SPAG16: variants seen among roughly 807,000 people sequenced by gnomAD.
SPAG16 encodes sperm associated antigen 16.
Under a neutral mutation model 80.4 loss-of-function variants are expected in SPAG16, and 86 were observed. The ratio of observed to expected loss-of-function variants is 1.07; its 90% CI spans 0.90 to 1.28. The LOEUF (loss-of-function observed/expected upper bound fraction) is 1.28, where lower values mean the gene tolerates loss of function less well. Ranked by LOEUF, SPAG16 falls within the 50% of genes most tolerant of loss-of-function variation. The probability of loss-of-function intolerance (pLI) is 0.00; values close to 1 mark genes in which losing one functional copy is unlikely to be tolerated. For synonymous variants in SPAG16, 294 were observed against 265.9 expected (o/e 1.11, Z -1.03); for missense variants, 870 against 765.3 (o/e 1.14, Z -1.61).
At chr2:213,781,859 A>G (rs924455711) in intron 10 of SPAG16, among the ~76,000 whole-genome samples, 1 of 152,324 alleles carries the variant, frequency 6.6e-6, no homozygotes, top group Non-Finnish European at 1.5e-5. Context: ...ATAAAACTTA[A>G]TCAAAATTTA....
At chr2:213,303,794 G>A (rs1231848072) in intron 3 of SPAG16, among the ~76,000 whole-genome samples, 2 of 152,056 alleles carry the variant, frequency 1.3e-5, no homozygotes, top group Admixed American at 6.6e-5. Context: ...TGGATACTTA[G>A]GTTGCCTCCA....
At chr2:213,685,913 C>T (rs886498697) in intron 10 of SPAG16, among the ~76,000 whole-genome samples, 2 of 152,100 alleles carry the variant, frequency 1.3e-5, no homozygotes, top group Non-Finnish European at 2.9e-5. Context: ...TTTTCAATCT[C>T]TATTAAAAAC....
At chr2:213,961,863 C>T (rs1411804510) in intron 12 of SPAG16, among the ~76,000 whole-genome samples, 1 of 151,738 alleles carries the variant, frequency 6.6e-6, no homozygotes, top group Non-Finnish European at 1.5e-5. Context: ...ATGTATTTGT[C>T]TGGTTTTGAT....
At chr2:213,768,914 C>T (rs991379666) in intron 10 of SPAG16, among the ~76,000 whole-genome samples, 1 of 152,034 alleles carries the variant, frequency 6.6e-6, no homozygotes, top group Non-Finnish European at 1.5e-5. Flanking sequence ...CAGGAGAAGG[C>T]TATAACATAG....
At chr2:213,330,659 A>G (rs1278785222) in intron 5 of SPAG16, among the ~76,000 whole-genome samples, 1 of 152,148 alleles carries the variant, frequency 6.6e-6, no homozygotes, top group African/African-American at 2.4e-5. Flanking sequence ...TGCTGAAAAG[A>G]GTTAAGATTT....
intron 8 of SPAG16, among the ~76,000 whole-genome samples, chr2:213,368,593 G>C (rs1364199790): frequency 1.3e-5 from 2 of 152,080 alleles, no homozygotes; most frequent in Non-Finnish European, 2.9e-5. Flanking sequence ...AGAAATAAAG[G>C]GTATTCAGTT....
intron 15 of SPAG16, among the ~76,000 whole-genome samples, chr2:214,319,298 A>AT (rs1174578889): frequency 6.6e-6 from 1 of 151,770 alleles, no homozygotes; most frequent in Non-Finnish European, 1.5e-5. Context: ...AGGCCAAATT[A>AT]TTTGTAGTCT....
chr2:213,561,855 TA>T (rs2059606696), intron 10 of SPAG16, among the ~76,000 whole-genome samples: 1 of 152,204 alleles, frequency 6.6e-6, no homozygotes, highest in Admixed American at 6.6e-5. Flanking sequence ...TATGTAATGA[TA>T]TTGTGCTAGG....
At chr2:214,013,871 G>C in intron 12 of SPAG16, 80 bp from the exon 13 acceptor site, 1 of 1,394,086 alleles carries the variant, frequency 7.2e-7, no homozygotes, top group Non-Finnish European at 9.6e-7. Flanking sequence ...TCATGCCTCA[G>C]TTCCTTAAAT....
Position 214,154,715 on chromosome 2 carries a change from G to C in SPAG16, c.1720+5449G>C, listed in dbSNP as rs80306743. ...CAAGTTTTGAATTTTCTCTCCACTA[G>C]TTACTAGCAAAATGATCCTGACAAA... On this transcript the variant is annotated intron_variant, in intron 15 of 15. Transcript: ENST00000331683. Among the ~76,000 whole-genome samples, 38 of 152,152 alleles carry C rather than the reference G, an allele frequency of 2.5e-4. No homozygotes were observed. In the East Asian group the frequency reaches 6.0e-3, roughly 24 times the overall value.
intron 14 of SPAG16, among the ~76,000 whole-genome samples, chr2:214,148,220 G>A (rs2055759329): frequency 6.6e-6 from 1 of 152,102 alleles, no homozygotes; most frequent in Non-Finnish European, 1.5e-5. Flanking sequence ...TTGCTGGGGA[G>A]CAGAAACCCC....
At chr2:214,029,263 G>A (rs2048290774) in intron 13 of SPAG16, among the ~76,000 whole-genome samples, 1 of 152,004 alleles carries the variant, frequency 6.6e-6, no homozygotes, top group Admixed American at 6.6e-5. Flanking sequence ...TGAGGATCAA[G>A]CAAGGAGCAG....
At chr2:214,175,223 G>GTATA (rs375136444) in intron 15 of SPAG16, among the ~76,000 whole-genome samples, 6 of 110,358 alleles carry the variant, frequency 5.4e-5, no homozygotes, top group African/African-American at 1.4e-4. Flanking sequence ...AGAAATGTGT[G>GTATA]TATATATATA....
intron 14 of SPAG16, among the ~76,000 whole-genome samples, chr2:214,119,490 C>T (rs567469561): frequency 2.6e-5 from 4 of 152,142 alleles, no homozygotes; most frequent in African/African-American, 9.6e-5. Context: ...TAATACGTGG[C>T]AGGAAAATGA....
At chr2:214,072,060 C>G (rs927191007) in intron 13 of SPAG16, among the ~76,000 whole-genome samples, 1 of 151,954 alleles carries the variant, frequency 6.6e-6, no homozygotes, top group African/African-American at 2.4e-5. Context: ...TTTTTAAAAG[C>G]ATTATTTACA....
At chr2:213,782,313 G>T (rs951463039) in intron 10 of SPAG16, among the ~76,000 whole-genome samples, 3 of 151,914 alleles carry the variant, frequency 2.0e-5, no homozygotes, top group Non-Finnish European at 2.9e-5. Context: ...ACTAAACAAT[G>T]ATGTAAAAGA....
chr2:213,915,394 C>G (rs142233407), intron 11 of SPAG16, among the ~76,000 whole-genome samples: 28,512 of 151,576 alleles, frequency 0.19, 3,263 homozygotes, highest in South Asian at 0.32. Flanking sequence ...GTTTTCTGTT[C>G]CTGTTTTAGT....
At chr2:213,702,667 A>T (rs562426043) in intron 10 of SPAG16, among the ~76,000 whole-genome samples, 1 of 152,336 alleles carries the variant, frequency 6.6e-6, no homozygotes, top group African/African-American at 2.4e-5. Context: ...AACTATCCGT[A>T]ATCTATGACA....
chr2:213,960,119 T>C (rs1479460415), intron 12 of SPAG16, among the ~76,000 whole-genome samples: 1 of 152,218 alleles, frequency 6.6e-6, no homozygotes, highest in Non-Finnish European at 1.5e-5. Context: ...ATACCCTATC[T>C]TCAAATTTGT....
Sources: gnomAD v4.1 joint callset for allele counts (sites outside exome capture counted in the v4.1 genomes callset) on GRCh38, gnomAD v4.1.1 for gene constraint, MANE v1.5 for transcripts, NCBI Gene and HGNC (gene_info 2026-07-23, HGNC 2026-07-21) for gene names.